Variants in ROBO2 observed in about 807,000 individuals in gnomAD.
ROBO2 encodes the protein roundabout guidance receptor 2.
A neutral mutation model predicts 160.8 loss-of-function variants in ROBO2; 53 were observed. The ratio of observed to expected loss-of-function variants is 0.33; its 90% CI spans 0.26 to 0.41. ROBO2 has a LOEUF of 0.41. Among genes scored for constraint, ROBO2 ranks in the 10% least tolerant of loss-of-function variants. ROBO2 has a pLI of 1.00. For synonymous variants in ROBO2, 664 were observed against 611.7 expected (o/e 1.09, Z -1.26); for missense variants, 1,577 against 1,722.4 (o/e 0.92, Z 1.49).
chr3:76,344,178 A>T (rs1394141650), intron 2 of ROBO2, among the ~76,000 whole-genome samples: 1 of 152,192 alleles, frequency 6.6e-6, no homozygotes, highest in Non-Finnish European at 1.5e-5. Flanking sequence ...GAGTTAAAAC[A>T]ATTGAATGTA....
intron 2 of ROBO2, among the ~76,000 whole-genome samples, chr3:76,125,379 G>A (rs1376462693): frequency 1.3e-5 from 2 of 152,098 alleles, no homozygotes; most frequent in Non-Finnish European, 2.9e-5. Context: ...GGATTGCTGG[G>A]TCAAATGGTA....
intron 4 of ROBO2, among the ~76,000 whole-genome samples, chr3:77,490,341 C>T (rs778178118): frequency 2.6e-5 from 4 of 152,016 alleles, no homozygotes. Context: ...CTGCCCACCT[C>T]GGCCTCCGAA....
At chr3:76,338,144 T>C (rs1211476981) in intron 2 of ROBO2, among the ~76,000 whole-genome samples, 1 of 152,156 alleles carries the variant, frequency 6.6e-6, no homozygotes, top group East Asian at 1.9e-4. Flanking sequence ...CTATAAGGAA[T>C]TTAGTTTCCT....
At chr3:77,131,506 C>G (rs951507912) in intron 2 of ROBO2, among the ~76,000 whole-genome samples, 1 of 152,020 alleles carries the variant, frequency 6.6e-6, no homozygotes, top group Non-Finnish European at 1.5e-5. Flanking sequence ...CAAAAACAAA[C>G]CAACCAACCA....
intron 2 of ROBO2, among the ~76,000 whole-genome samples, chr3:77,399,254 A>C (rs1264324409): frequency 6.6e-6 from 1 of 152,202 alleles, no homozygotes; most frequent in African/African-American, 2.4e-5. Context: ...AATTAAGTTT[A>C]TTTTTGTCAC....
At chr3:77,217,099 C>T (rs1030808792) in intron 2 of ROBO2, among the ~76,000 whole-genome samples, 1 of 151,832 alleles carries the variant, frequency 6.6e-6, no homozygotes, top group African/African-American at 2.4e-5. Flanking sequence ...TTCTTTCTTT[C>T]TTTCTTTTTT....
chr3:76,377,564 C>A (rs1195213044), intron 2 of ROBO2, among the ~76,000 whole-genome samples: 2 of 152,130 alleles, frequency 1.3e-5, no homozygotes, highest in African/African-American at 4.8e-5. Context: ...TTTATCCCTG[C>A]TAATCTCCTT....
intron 2 of ROBO2, among the ~76,000 whole-genome samples, chr3:76,031,604 G>A (rs2066921550): frequency 1.3e-5 from 2 of 152,138 alleles, no homozygotes; most frequent in South Asian, 4.1e-4. Context: ...GGCCTTTTCT[G>A]AATCTATTGA....
intron 2 of ROBO2, among the ~76,000 whole-genome samples, chr3:77,467,382 G>A (rs2082870163): frequency 6.6e-6 from 1 of 152,052 alleles, no homozygotes; most frequent in Admixed American, 6.6e-5. Flanking sequence ...GAAGCAGTAG[G>A]GAAACCAGGC....
chr3:76,482,415 C>A (rs2079263162), intron 2 of ROBO2, among the ~76,000 whole-genome samples: 1 of 152,080 alleles, frequency 6.6e-6, no homozygotes, highest in Admixed American at 6.6e-5. Flanking sequence ...CCATTAGTGT[C>A]TTTTTCTAAG....
At chr3:77,209,656 G>A (rs1457548724) in intron 2 of ROBO2, among the ~76,000 whole-genome samples, 1 of 152,142 alleles carries the variant, frequency 6.6e-6, no homozygotes, top group Non-Finnish European at 1.5e-5. Context: ...AGGAAGCCTT[G>A]ATCAGCCTAT....
intron 2 of ROBO2, among the ~76,000 whole-genome samples, chr3:76,957,694 G>A (rs1462330055): frequency 6.6e-6 from 1 of 151,938 alleles, no homozygotes; most frequent in East Asian, 1.9e-4. Context: ...AGCCTGGCGT[G>A]GTGGCACGTG....
At chr3:77,489,079 A>G (rs2085739570) in intron 4 of ROBO2, among the ~76,000 whole-genome samples, 6 of 152,210 alleles carry the variant, frequency 3.9e-5, no homozygotes, top group Admixed American at 3.3e-4. Flanking sequence ...AAAGGGTGCT[A>G]TGGAAATTCT....
At chr3:76,282,693 G>C (rs1708292751) in intron 2 of ROBO2, among the ~76,000 whole-genome samples, 1 of 151,776 alleles carries the variant, frequency 6.6e-6, no homozygotes, top group Non-Finnish European at 1.5e-5. Context: ...CCAGATTGTG[G>C]GTCTGCCTCA....
chr3:76,175,131 T>A lies in ROBO2; in HGVS notation c.109+237529T>A, dbSNP rs547466272. 2.0e-5 allele frequency among the ~76,000 whole-genome samples: 3 copies of A among 152,218 alleles called. No individual in the cohort carries two copies. The South Asian group carries it at 6.2e-4, about 32-fold the overall frequency. ...TTTTATTCTTTGTAGCAATTGCGAA[T>A]GGGAGTTCACTCATGATATGGCTCT... On this transcript the variant is annotated intron_variant, in intron 2 of 26. Transcript: ENST00000487694.
At chr3:77,126,397 A>G (rs1433279047) in intron 2 of ROBO2, among the ~76,000 whole-genome samples, 3 of 152,188 alleles carry the variant, frequency 2.0e-5, no homozygotes, top group Non-Finnish European at 4.4e-5. Flanking sequence ...CACAAATCAG[A>G]TTTACAGATT....
At position 76,227,992 on chromosome 3, in the gene ROBO2, T is replaced by C. The variant is rs1004956082; in HGVS notation, c.109+290390T>C. Among the ~76,000 whole-genome samples the C allele has an allele frequency of 2.0e-5, 3 of 152,132 alleles. No homozygotes were observed. In the East Asian group the frequency reaches 5.8e-4, roughly 29 times the overall value. On this transcript the variant is annotated intron_variant, in intron 2 of 26. Transcript: ENST00000487694. ...ATACTCTATACAAAAAAAGTAAGGG[T>C]TATATTTGCTATTTTCCTTTAAAGT...
At chr3:77,532,943 T>C (rs1247627759) in intron 6 of ROBO2, among the ~76,000 whole-genome samples, 2 of 152,096 alleles carry the variant, frequency 1.3e-5, no homozygotes, top group East Asian at 1.9e-4. Context: ...TAATTAATTA[T>C]GTTCATTTTC....
chr3:75,926,954 A>G (rs1947316721), intron 1 of ROBO2, among the ~76,000 whole-genome samples: 1 of 152,178 alleles, frequency 6.6e-6, no homozygotes, highest in Non-Finnish European at 1.5e-5. Flanking sequence ...TTTGACCAGA[A>G]AGGCATTTAT....
Sources: allele counts gnomAD v4.1 joint callset (sites outside exome capture counted in the v4.1 genomes callset), GRCh38; gene constraint gnomAD v4.1.1; transcripts MANE v1.5; gene names NCBI Gene and HGNC (gene_info 2026-07-23, HGNC 2026-07-21).